DACH2: variants seen among roughly 807,000 people sequenced by gnomAD.
The protein encoded by DACH2 is dachshund family transcription factor 2.
Under a neutral mutation model 35.8 loss-of-function variants are expected in DACH2, and 17 were observed. The ratio of observed to expected loss-of-function variants is 0.48; its 90% CI spans 0.33 to 0.71. DACH2 has a LOEUF of 0.71. Ranked by LOEUF, DACH2 falls within the 30% of genes least tolerant of loss-of-function variation. The pLI, the probability that DACH2 is intolerant of heterozygous loss-of-function variation, is 0.02. For missense variants in DACH2, 469 were observed against 472.7 expected (o/e 0.99, Z 0.07); for synonymous variants, 195 against 177.3 (o/e 1.10, Z -0.79).
At chrX:86,816,628 G>A (rs1237796934) in intron 11 of DACH2, among the ~76,000 whole-genome samples, 2 of 111,406 alleles carry the variant, frequency 1.8e-5, no homozygotes, top group Non-Finnish European at 3.8e-5. Flanking sequence ...CTTATAATTC[G>A]TGATTTACAT....
chrX:86,815,588 T>C (rs964411005), intron 10 of DACH2, among the ~76,000 whole-genome samples: 2 of 106,579 alleles, frequency 1.9e-5, no homozygotes, highest in African/African-American at 3.4e-5. Flanking sequence ...TATATATATA[T>C]ACACACACAT....
intron 7 of DACH2, among the ~76,000 whole-genome samples, chrX:86,772,231 T>A (rs1298244061): frequency 9.0e-6 from 1 of 111,584 alleles, no homozygotes; most frequent in Non-Finnish European, 1.9e-5. Context: ...TTGTGCTTAG[T>A]ATAATATTAT....
rs774514711 is a variant in DACH2, at chrX:86,486,724, A to G, written c.528-27555A>G. ...ATATATAGTCAGACAGATAAGGGCT[A>G]CAATTCTGGTCCTGCTGTCTGGCTT... On this transcript the variant is annotated intron_variant, in intron 2 of 11. Coordinates refer to ENST00000373125, the MANE Select transcript of DACH2 (RefSeq NM_053281.3). Among the ~76,000 whole-genome samples the G allele has an allele frequency of 3.6e-5, 4 of 112,139 alleles. No individual in the cohort carries two copies. In the East Asian group the frequency reaches 8.5e-4, roughly 24 times the overall value.
At chrX:86,493,567 C>A (rs1161617051) in intron 2 of DACH2, among the ~76,000 whole-genome samples, 1 of 111,408 alleles carries the variant, frequency 9.0e-6, no homozygotes, top group East Asian at 2.8e-4. Flanking sequence ...TTCTCTCTCT[C>A]ATGTATATGT....
chrX:86,814,924 CAGAA>C (rs1396940533), intron 10 of DACH2, 90 bp downstream of exon 10: 10 of 983,114 alleles, frequency 1.0e-5, no homozygotes, highest in East Asian at 3.1e-5. Context: ...GAGAGGAAGG[CAGAA>C]AGAAAGGAAG....
chrX:86,434,057 C>A (rs2037027508), intron 2 of DACH2, among the ~76,000 whole-genome samples: 1 of 111,587 alleles, frequency 9.0e-6, no homozygotes, highest in Non-Finnish European at 1.9e-5. Flanking sequence ...TCCTTAATGT[C>A]TTTGATGTTT....
chrX:86,246,149 C>T (rs1418655771), intron 1 of DACH2, among the ~76,000 whole-genome samples: 1 of 111,566 alleles, frequency 9.0e-6, no homozygotes, highest in Non-Finnish European at 1.9e-5. Flanking sequence ...TGAAGAAAGT[C>T]TCCAAGAAAT....
Position 86,394,580 on chromosome X carries a change from G to A in DACH2, c.527+17718G>A, listed in dbSNP as rs185773391. On this transcript the variant is annotated intron_variant, in intron 2 of 11. Coordinates refer to ENST00000373125, the MANE Select transcript of DACH2 (RefSeq NM_053281.3). ...GATATTTTCAAGTTGCTAACTAATA[G>A]TGAAAGATCTTTTGCTTATAAGCTA... 3.9e-3 allele frequency among the ~76,000 whole-genome samples: 437 copies of A among 111,640 alleles called. 2 individuals carry two copies. The highest frequency in any genetic ancestry group is 0.014 in the African/African-American group (426 of 30,838).
chrX:86,514,516 T>C lies in DACH2; in HGVS notation c.640+125T>C, dbSNP rs758006351. 27 of 636,146 alleles carry C rather than the reference T, an allele frequency of 4.2e-5. No individual in the cohort carries two copies. In the South Asian group the frequency reaches 8.4e-4, roughly 20 times the overall value. The allele number at this position is 636,146 out of a possible 1,213,427, so 52.4% of individuals were successfully genotyped here. A position where few individuals can be genotyped will look rare whatever the true frequency, so the allele number is the denominator to read the frequency against. The stretch of plus-strand genomic sequence containing the variant: ...CAAGCTCTATTAGAGGTTACATTAC[T>C]GAATTTTTTTATGTGTTCGTGAAAA... On this transcript the variant is annotated intron_variant, in intron 3 of 11. Coordinates refer to ENST00000373125, the MANE Select transcript of DACH2 (RefSeq NM_053281.3).
intron 11 of DACH2, chrX:86,831,083 C>T (rs1277444379): frequency 9.0e-6 from 1 of 111,283 alleles, no homozygotes; most frequent in Non-Finnish European, 1.9e-5. Flanking sequence ...TATTACCTTA[C>T]TACATCTTTA....
intron 1 of DACH2, among the ~76,000 whole-genome samples, chrX:86,221,776 A>T (rs144266701): frequency 2.0e-3 from 230 of 112,436 alleles, no homozygotes; most frequent in Non-Finnish European, 3.2e-3. Flanking sequence ...ACAAAGCACC[A>T]CAGACTGGGT....
chrX:86,828,101 T>A, intron 11 of DACH2: 1 of 204,680 alleles, frequency 4.9e-6, no homozygotes. Context: ...GTGGGGTAAG[T>A]AGGTGGAAGA....
intron 3 of DACH2, among the ~76,000 whole-genome samples, chrX:86,514,621 G>A (rs1490051615): frequency 9.0e-6 from 1 of 111,730 alleles, no homozygotes; most frequent in Non-Finnish European, 1.9e-5. Context: ...TCCCTTTCAA[G>A]GCCTTATTGT....
At chrX:86,297,043 G>GTA (rs35078642) in intron 1 of DACH2, among the ~76,000 whole-genome samples, 3,726 of 89,795 alleles carry the variant, frequency 0.041, 89 homozygotes, top group Non-Finnish European at 0.047. Flanking sequence ...ATATAATTGT[G>GTA]TATATATATA....
In DACH2 at chrX:86,424,362, T is replaced by A. The variant is rs367979501; in HGVS notation, c.527+47500T>A. The stretch of plus-strand genomic sequence containing the variant: ...TTTTTGATGTCCTTCTCAATTTTTT[T>A]AATCAGTGTTTTGCAGTTTACATTA... On this transcript the variant is annotated intron_variant, in intron 2 of 11. Transcript: ENST00000373125. 3.1e-4 allele frequency among the ~76,000 whole-genome samples: 34 copies of A among 111,310 alleles called. No individual in the cohort carries two copies. The East Asian group carries it at 3.9e-3, about 13-fold the overall frequency.
intron 3 of DACH2, among the ~76,000 whole-genome samples, chrX:86,599,404 CTTCT>C (rs2039756530): frequency 9.3e-6 from 1 of 108,040 alleles, no homozygotes; most frequent in Non-Finnish European, 1.9e-5. Context: ...TGCCTCTTTT[CTTCT>C]TTCTTTTTCT....
chrX:86,581,981 A>G (rs1244659853), intron 3 of DACH2, among the ~76,000 whole-genome samples: 2 of 111,871 alleles, frequency 1.8e-5, no homozygotes, highest in Non-Finnish European at 3.8e-5. Context: ...AACAATTCTC[A>G]TCCAGTTCAA....
chrX:86,590,768 T>C (rs755206892), intron 3 of DACH2, among the ~76,000 whole-genome samples: 1 of 111,875 alleles, frequency 8.9e-6, no homozygotes, highest in South Asian at 3.7e-4. Flanking sequence ...CTAATAGGTA[T>C]ATAGATAAAT....
At chrX:86,786,191 G>A (rs1317472627) in intron 7 of DACH2, among the ~76,000 whole-genome samples, 1 of 111,604 alleles carries the variant, frequency 9.0e-6, no homozygotes, top group Non-Finnish European at 1.9e-5. Context: ...CCATTTTGCA[G>A]TGGGGTGACA....
Sources: allele counts gnomAD v4.1 joint callset (sites outside exome capture counted in the v4.1 genomes callset), GRCh38; gene constraint gnomAD v4.1.1; transcripts MANE v1.5; gene names NCBI Gene and HGNC (gene_info 2026-07-23, HGNC 2026-07-21).